The following JAZF1 variants were observed in gnomAD, a reference collection of about 807,000 sequenced individuals.
The protein encoded by JAZF1 is juxtaposed with another zinc finger protein 1.
A neutral mutation model predicts 26.4 loss-of-function variants in JAZF1; 8 were observed. That is an observed-to-expected ratio of 0.30 (90% CI 0.18 to 0.55). JAZF1 has a LOEUF of 0.55. Among genes scored for constraint, JAZF1 ranks in the 20% least tolerant of loss-of-function variants. The pLI, the probability that JAZF1 is intolerant of heterozygous loss-of-function variation, is 0.94. For missense variants in JAZF1, 199 were observed against 322.0 expected, an observed-to-expected ratio of 0.62 and a Z score of 2.92; for synonymous variants, 126 against 122.3, an observed-to-expected ratio of 1.03 and a Z score of -0.20.
chr7:27,975,977 C>T (rs1199037614), intron 2 of JAZF1, among the ~76,000 whole-genome samples: 1 of 152,188 alleles, frequency 6.6e-6, no homozygotes, highest in East Asian at 1.9e-4. Flanking sequence ...GCAATGCAAA[C>T]TAATTCTGTT....
chr7:27,883,839 C>T lies in JAZF1; in HGVS notation c.385+11381G>A, dbSNP rs148458897. ...TTTTCTTCTCTGCTCCTTCTCTCTA[C>T]TTAATATGTCCCGTAACTGGTTTAT... On this transcript the variant is annotated intron_variant, in intron 3 of 4. Transcript: ENST00000283928. Among the ~76,000 whole-genome samples the T allele has an allele frequency of 1.5e-3, 234 of 152,318 alleles. 1 individual carries two copies. The highest frequency in any genetic ancestry group is 5.3e-3 in the African/African-American group (219 of 41,572).
chr7:28,101,868 G>A lies in JAZF1; in HGVS notation c.115+78595C>T, dbSNP rs145956588. 3.3e-3 allele frequency among the ~76,000 whole-genome samples: 497 copies of A among 152,262 alleles called. 1 individual carries two copies. Among genetic ancestry groups the A allele is most frequent in the African/African-American group, 0.011 (469 of 41,550 alleles). On this transcript the variant is annotated intron_variant, in intron 1 of 4. Coordinates refer to ENST00000283928, the MANE Select transcript of JAZF1 (RefSeq NM_175061.4). ...TACAATTTAACTGCTTGACGGAAAT[G>A]CCATTTTTTTTTCTTAGCTCAAAAG...
intron 1 of JAZF1, among the ~76,000 whole-genome samples, chr7:28,078,842 T>G (rs1054033043): frequency 6.6e-6 from 1 of 152,194 alleles, no homozygotes; most frequent in African/African-American, 2.4e-5. Flanking sequence ...AGTGAAAATG[T>G]TCATAAAAAT....
intron 1 of JAZF1, among the ~76,000 whole-genome samples, chr7:28,168,319 T>C (rs557378934): frequency 1.3e-5 from 2 of 150,858 alleles, no homozygotes; most frequent in African/African-American, 4.9e-5. Context: ...GAGGTGGAGT[T>C]TGCAGTGAGC....
At position 28,174,821 on chromosome 7, in the gene JAZF1, G is replaced by GTGT. The variant is rs1783524345; in HGVS notation, c.115+5641_115+5642insACA. On this transcript the variant is annotated intron_variant, in intron 1 of 4. Coordinates refer to ENST00000283928, the MANE Select transcript of JAZF1 (RefSeq NM_175061.4). ...CCTGATCCTGCCTATGGGGTGTGTG[G>GTGT]GTGTGTGTGTGTGTGTGTGTGTGTG... Among the ~76,000 whole-genome samples, 93 of 107,796 alleles carry GTGT rather than the reference G, an allele frequency of 8.6e-4. 10 individuals carry two copies. Among genetic ancestry groups the GTGT allele is most frequent in the East Asian group, 2.5e-3 (12 of 4,888 alleles). The allele number at this position is 107,796 out of a possible 152,430, so 70.7% of individuals were successfully genotyped here.
At chr7:28,021,560 C>T (rs980626608) in intron 1 of JAZF1, among the ~76,000 whole-genome samples, 1 of 152,084 alleles carries the variant, frequency 6.6e-6, no homozygotes, top group African/African-American at 2.4e-5. Flanking sequence ...CAGGAAAGGC[C>T]GCCACCGCCT....
intron 1 of JAZF1, among the ~76,000 whole-genome samples, chr7:28,047,054 T>C (rs1783508572): frequency 6.6e-6 from 1 of 152,150 alleles, no homozygotes; most frequent in Non-Finnish European, 1.5e-5. Context: ...ATATATTTTC[T>C]TCTAGAATTT....
chr7:28,084,930 C>T (rs1294016959), intron 1 of JAZF1, among the ~76,000 whole-genome samples: 12 of 152,122 alleles, frequency 7.9e-5, no homozygotes, highest in Non-Finnish European at 1.8e-4. Flanking sequence ...GGGATTGGGG[C>T]TGGTGGCTTT....
chr7:28,148,898 G>C (rs1156795326), intron 1 of JAZF1, among the ~76,000 whole-genome samples: 1 of 152,192 alleles, frequency 6.6e-6, no homozygotes. Flanking sequence ...AAACCTCCTT[G>C]CGGTTTACGC....
chr7:27,909,041 G>A (rs760397980), intron 2 of JAZF1, among the ~76,000 whole-genome samples: 4 of 126,764 alleles, frequency 3.2e-5, no homozygotes, highest in African/African-American at 9.0e-5. Context: ...GCAGAATCTC[G>A]CTGTGCTGTC....
chr7:27,832,512 C>T lies in JAZF1; in HGVS notation c.*288G>A, dbSNP rs771635295. 4 of 264,342 alleles carry T rather than the reference C, an allele frequency of 1.5e-5. No homozygotes were observed. Among genetic ancestry groups the T allele is most frequent in the Non-Finnish European group, 2.9e-5 (4 of 138,326 alleles). The allele number at this position is 264,342 out of a possible 1,614,324, so 16.4% of individuals were successfully genotyped here. A position where few individuals can be genotyped will look rare whatever the true frequency, so the allele number is the denominator to read the frequency against. ...ACAATTCAACAATATGCAACATGCCCTCAATTTTATTTTGTTTTGGGGGAA... is the reference window on the plus strand; with the variant it reads ...ACAATTCAACAATATGCAACATGCCTTCAATTTTATTTTGTTTTGGGGGAA... On this transcript the variant is annotated 3_prime_UTR_variant, in exon 5 of 5. Transcript: ENST00000283928.
intron 2 of JAZF1, among the ~76,000 whole-genome samples, chr7:27,898,151 C>T (rs1052301639): frequency 2.6e-5 from 4 of 151,972 alleles, no homozygotes; most frequent in East Asian, 1.9e-4. Context: ...TGAGCACACA[C>T]GTGCCTCGTG....
At chr7:28,002,012 G>C (rs990833092) in intron 1 of JAZF1, among the ~76,000 whole-genome samples, 2 of 152,170 alleles carry the variant, frequency 1.3e-5, no homozygotes, top group African/African-American at 4.8e-5. Context: ...GAACCAAGAA[G>C]TCTGGAACTC....
Position 28,105,400 on chromosome 7 carries a change from T to C in JAZF1, c.115+75063A>G, listed in dbSNP as rs117450711. On this transcript the variant is annotated intron_variant, in intron 1 of 4. Coordinates refer to ENST00000283928, the MANE Select transcript of JAZF1 (RefSeq NM_175061.4). ...GCATTGTGACTCCTGGTGAGGAAGG[T>C]AATTAATCTAATTGAGCTGAACACA... 9.2e-5 allele frequency among the ~76,000 whole-genome samples: 14 copies of C among 152,336 alleles called. 1 individual carries two copies. In the East Asian group the frequency reaches 2.7e-3, roughly 29 times the overall value.
intron 3 of JAZF1, among the ~76,000 whole-genome samples, chr7:27,873,589 CT>C (rs1783622155): frequency 2.0e-5 from 3 of 152,222 alleles, no homozygotes; most frequent in African/African-American, 7.2e-5. Context: ...TCAAATGCTA[CT>C]TTCCCCCGGT....
chr7:28,102,027 T>C (rs1194783036), intron 1 of JAZF1, among the ~76,000 whole-genome samples: 1 of 152,140 alleles, frequency 6.6e-6, no homozygotes, highest in East Asian at 1.9e-4. Flanking sequence ...CATGTCTCAG[T>C]GGCAGAACTG....
chr7:28,160,775 GA>G (rs1265657028), intron 1 of JAZF1, among the ~76,000 whole-genome samples: 1 of 152,206 alleles, frequency 6.6e-6, no homozygotes, highest in Admixed American at 6.5e-5. Context: ...AGGTGATCAT[GA>G]AAAGATTACA....
At chr7:28,021,264 G>T (rs1482991569) in intron 1 of JAZF1, among the ~76,000 whole-genome samples, 1 of 152,198 alleles carries the variant, frequency 6.6e-6, no homozygotes, top group African/African-American at 2.4e-5. Context: ...AAATAAAGTT[G>T]TGCATGAAGG....
At chr7:27,985,121 A>G (rs1375520421) in intron 2 of JAZF1, among the ~76,000 whole-genome samples, 37 of 152,358 alleles carry the variant, frequency 2.4e-4, no homozygotes, top group South Asian at 6.2e-4. Context: ...ACTGAAGAAG[A>G]TAGAGACACA....
Sources: gnomAD v4.1 joint callset for allele counts (sites outside exome capture counted in the v4.1 genomes callset) on GRCh38, gnomAD v4.1.1 for gene constraint, MANE v1.5 for transcripts, NCBI Gene and HGNC (gene_info 2026-07-23, HGNC 2026-07-21) for gene names.